The following MYOM2 variants were observed in gnomAD, a reference collection of about 807,000 sequenced individuals.
MYOM2 encodes myomesin-2.
MYOM2 carries 254 observed loss-of-function variants against 187.6 expected under a neutral mutation model. The observed-to-expected ratio is 1.35, with a 90% CI of 1.22 to 1.50. The LOEUF is 1.50. Ranked by LOEUF, MYOM2 falls within the 40% of genes most tolerant of loss-of-function variation. MYOM2 has a pLI of 0.00. For missense variants in MYOM2, 2,796 were observed against 1,924.0 expected, an observed-to-expected ratio of 1.45 and a Z score of -8.48; for synonymous variants, 981 against 753.8, an observed-to-expected ratio of 1.30 and a Z score of -4.94.
chr8:2,068,659 G>C (rs1017631744), intron 6 of MYOM2, among the ~76,000 whole-genome samples: 2 of 152,254 alleles, frequency 1.3e-5, no homozygotes, highest in African/African-American at 4.8e-5. Context: ...CACCTGGAGA[G>C]TGGAGCAAAG....
chr8:2,108,913 A>C, intron 24 of MYOM2, 83 bp downstream of exon 24: 1 of 1,383,840 alleles, frequency 7.2e-7, no homozygotes, highest in African/African-American at 1.4e-5. Flanking sequence ...CTCTTGGAAG[A>C]ACAGCTTTGG....
chr8:2,142,742 C>G (rs1425847238), intron 35 of MYOM2, among the ~76,000 whole-genome samples: 1 of 2,488 alleles, frequency 4.0e-4, no homozygotes, highest in Non-Finnish European at 8.6e-4. Flanking sequence ...TCCTCCCTTC[C>G]TCCCCTCCCT....
At chr8:2,084,698 C>G (rs1332297136) in intron 13 of MYOM2, among the ~76,000 whole-genome samples, 1 of 152,184 alleles carries the variant, frequency 6.6e-6, no homozygotes, top group Non-Finnish European at 1.5e-5. Context: ...CAACATCACT[C>G]CAGAATTCAA....
chr8:2,065,957 G>C (rs1025308380), intron 6 of MYOM2, among the ~76,000 whole-genome samples: 1 of 152,204 alleles, frequency 6.6e-6, no homozygotes, highest in African/African-American at 2.4e-5. Context: ...GCCGTGGGGC[G>C]CAGTGTGAAC....
rs775468278 is a variant in MYOM2 at position 2,124,159 on chromosome 8, G to A, written c.3656-20G>A. ...TTAAAGTTACATGTCGTAATGGTGC[G>A]TATCCCTTCTCATTTTCAGTGTATG... On this transcript the variant is annotated intron_variant, in intron 30 of 36. Transcript: ENST00000262113. 27 of 1,607,876 alleles carry A rather than the reference G, an allele frequency of 1.7e-5. No individual in the cohort carries two copies. Among genetic ancestry groups the A allele is most frequent in the Middle Eastern group, 1.6e-4 (1 of 6,076 alleles).
In MYOM2 at chr8:2,096,393, C is replaced by G; in HGVS notation, c.2272C>G (p.His758Asp). The G allele has an allele frequency of 1.2e-6, 2 of 1,614,230 alleles. No homozygotes were observed. Among genetic ancestry groups the G allele is most frequent in the Non-Finnish European group, 1.7e-6 (2 of 1,180,048 alleles). Residue 758 changes from histidine to aspartate, a missense_variant, in exon 18 of 37, where the codon CAC (histidine) becomes GAC (aspartate). His to Asp is a moderately conservative substitution (Grantham distance 81). Coordinates refer to ENST00000262113, the MANE Select transcript of MYOM2 (RefSeq NM_003970.4). ...GCGTGAAGTTCACCATAAAAACTGGCACGAGGTCAATTCCTCACCCAGCAA... is the reference window on the plus strand; with the variant it reads ...GCGTGAAGTTCACCATAAAAACTGGGACGAGGTCAATTCCTCACCCAGCAA... Reference protein sequence around the residue: ...DKREVHHKNWHEVNSSPSKPT... With the variant: ...DKREVHHKNWDEVNSSPSKPT...
At chr8:2,127,584 C>CGTGACGCG (rs1371265235) in intron 31 of MYOM2, among the ~76,000 whole-genome samples, 1 of 152,000 alleles carries the variant, frequency 6.6e-6, no homozygotes, top group Non-Finnish European at 1.5e-5. Flanking sequence ...AGTACCTCGG[C>CGTGACGCG]GTGACGCGGT....
At chr8:2,053,501 G>A (rs116299679) in intron 3 of MYOM2, among the ~76,000 whole-genome samples, 196 of 152,262 alleles carry the variant, frequency 1.3e-3, no homozygotes, top group African/African-American at 4.6e-3. Flanking sequence ...TGAACATATT[G>A]CATAAACTTC....
At chr8:2,067,596 C>G (rs112082445) in intron 6 of MYOM2, among the ~76,000 whole-genome samples, 1 of 152,154 alleles carries the variant, frequency 6.6e-6, no homozygotes, top group South Asian at 2.1e-4. Context: ...TTCCTTACCC[C>G]CTCTTGTCTC....
intron 3 of MYOM2, among the ~76,000 whole-genome samples, chr8:2,056,109 C>T (rs1818655025): frequency 6.6e-6 from 1 of 152,184 alleles, no homozygotes; most frequent in Admixed American, 6.5e-5. Context: ...AGTAGCCAAT[C>T]CTTTCTCCTG....
intron 1 of MYOM2, among the ~76,000 whole-genome samples, chr8:2,046,983 A>T (rs1285727690): frequency 6.6e-6 from 1 of 152,180 alleles, no homozygotes; most frequent in Non-Finnish European, 1.5e-5. Flanking sequence ...GAGCGCTGGT[A>T]TGACTCTCAA....
intron 21 of MYOM2, among the ~76,000 whole-genome samples, chr8:2,103,311 A>G (rs1185682539): frequency 6.6e-6 from 1 of 151,382 alleles, no homozygotes; most frequent in African/African-American, 2.4e-5. Flanking sequence ...AAATGGATAA[A>G]TGAGTGGGAG....
chr8:2,047,051 C>T (rs919119777), intron 1 of MYOM2, among the ~76,000 whole-genome samples: 2 of 152,158 alleles, frequency 1.3e-5, no homozygotes, highest in Admixed American at 6.5e-5. Flanking sequence ...GTTGCTCAAC[C>T]AGTAAGTATA....
At chr8:2,133,427 G>A (rs994086469) in intron 32 of MYOM2, among the ~76,000 whole-genome samples, 7 of 152,196 alleles carry the variant, frequency 4.6e-5, no homozygotes, top group African/African-American at 1.4e-4. Flanking sequence ...CGGAACCACT[G>A]CCTCGGAGGC....
chr8:2,095,386 G>A (rs988358249), intron 17 of MYOM2, among the ~76,000 whole-genome samples: 1 of 151,354 alleles, frequency 6.6e-6, no homozygotes. Flanking sequence ...TGAGCTTTTG[G>A]GCTCAAGTGA....
chr8:2,074,777 G>T (rs577816809), intron 10 of MYOM2, among the ~76,000 whole-genome samples: 48 of 152,276 alleles, frequency 3.2e-4, no homozygotes, highest in African/African-American at 1.1e-3. Context: ...TTTTATCAGT[G>T]TCTGTTTCAC....
intron 6 of MYOM2, among the ~76,000 whole-genome samples, chr8:2,063,537 A>G (rs966397431): frequency 6.6e-6 from 1 of 152,246 alleles, no homozygotes; most frequent in East Asian, 1.9e-4. Flanking sequence ...TTTATAATAG[A>G]ACAATCTATC....
chr8:2,118,035 C>T, intron 28 of MYOM2, 83 bp downstream of exon 28: 2 of 1,240,036 alleles, frequency 1.6e-6, no homozygotes, highest in Non-Finnish European at 2.3e-6. Flanking sequence ...TAGCTGTGGC[C>T]AGATCTGTGA....
intron 13 of MYOM2, among the ~76,000 whole-genome samples, chr8:2,083,333 G>A (rs1043854342): frequency 6.6e-6 from 1 of 152,184 alleles, no homozygotes; most frequent in African/African-American, 2.4e-5. Flanking sequence ...TGTCTCACGT[G>A]TGCTTAGCGG....
Sources: allele counts gnomAD v4.1 joint callset (sites outside exome capture counted in the v4.1 genomes callset), GRCh38; gene constraint gnomAD v4.1.1; transcripts MANE v1.5; gene names NCBI Gene and HGNC (gene_info 2026-07-23, HGNC 2026-07-21).